The following MKLN1 variants were observed in gnomAD, a reference collection of about 807,000 sequenced individuals.
MKLN1 encodes the protein muskelin 1, also known as muskelin.
Under a neutral mutation model 99.0 loss-of-function variants are expected in MKLN1, and 18 were observed. The ratio of observed to expected loss-of-function variants is 0.18; its 90% CI spans 0.13 to 0.27. The LOEUF (loss-of-function observed/expected upper bound fraction) is 0.27. MKLN1 is among the 10% of genes least tolerant of loss of function. The probability of loss-of-function intolerance (pLI) is 1.00; values close to 1 mark genes in which losing one functional copy is unlikely to be tolerated. For synonymous variants in MKLN1, 288 were observed against 293.2 expected, an observed-to-expected ratio of 0.98 and a Z score of 0.18; for missense variants, 621 against 875.9, an observed-to-expected ratio of 0.71 and a Z score of 3.67.
chr7:131,152,422 G>C (rs1795900562), intron 2 of MKLN1, among the ~76,000 whole-genome samples: 1 of 151,828 alleles, frequency 6.6e-6, no homozygotes, highest in Non-Finnish European at 1.5e-5. Context: ...TTAGTAGTAT[G>C]AAATATTCAG....
At chr7:131,136,152 T>C (rs1279730114) in intron 1 of MKLN1, among the ~76,000 whole-genome samples, 2 of 152,132 alleles carry the variant, frequency 1.3e-5, no homozygotes, top group East Asian at 1.9e-4. Context: ...CTGCAGGGAC[T>C]TGGGTGTAGG....
At chr7:131,179,971 C>G (rs1052099258) in intron 2 of MKLN1, among the ~76,000 whole-genome samples, 2 of 152,168 alleles carry the variant, frequency 1.3e-5, no homozygotes, top group Non-Finnish European at 2.9e-5. Flanking sequence ...TAGCTCACAG[C>G]AGTTTGAACT....
At chr7:131,328,215 A>G in intron 1 of MKLN1, 2 of 577,986 alleles carry the variant, frequency 3.5e-6, no homozygotes, top group Non-Finnish European at 6.0e-6. Flanking sequence ...AGAAGGGGCG[A>G]GGTGTGTGGC....
intron 3 of MKLN1, among the ~76,000 whole-genome samples, chr7:131,244,461 C>T (rs1797454916): frequency 6.6e-6 from 1 of 152,142 alleles, no homozygotes; most frequent in African/African-American, 2.4e-5. Flanking sequence ...TCTTGTTCGT[C>T]TGAGTCAGCC....
chr7:131,194,345 T>C (rs1323800012), intron 2 of MKLN1, among the ~76,000 whole-genome samples: 1 of 152,206 alleles, frequency 6.6e-6, no homozygotes, highest in Non-Finnish European at 1.5e-5. Context: ...TGTATTTACC[T>C]GTTCAGGGTA....
chr7:131,161,793 C>A (rs1401150516), intron 2 of MKLN1, among the ~76,000 whole-genome samples: 9 of 151,926 alleles, frequency 5.9e-5, no homozygotes, highest in Non-Finnish European at 1.0e-4. Context: ...CCCGCCTCGG[C>A]CTCCCAAAGT....
Position 131,224,051 on chromosome 7 carries a change from G to A in MKLN1, c.-179+21077G>A, listed in dbSNP as rs1309339744. ...AGTGCTGGGATTACAGGTGTGAGCCGCTGAACCCACCTGCATTTGCATCTT... is the reference window on the plus strand; with the variant it reads ...AGTGCTGGGATTACAGGTGTGAGCCACTGAACCCACCTGCATTTGCATCTT... On this transcript the variant is annotated intron_variant, in intron 3 of 7. Coordinates refer to the MKLN1 transcript ENST00000416992. 5.3e-5 allele frequency among the ~76,000 whole-genome samples: 8 copies of A among 151,854 alleles called. No homozygotes were observed. The South Asian group carries it at 6.2e-4, about 12-fold the overall frequency.
At chr7:131,401,408 T>G (rs1794538802) in intron 6 of MKLN1, among the ~76,000 whole-genome samples, 1 of 152,194 alleles carries the variant, frequency 6.6e-6, no homozygotes, top group Non-Finnish European at 1.5e-5. Context: ...AATGTTTTAC[T>G]CAGACATGTA....
chr7:131,113,686 A>T (rs1462843377), intron 1 of MKLN1, among the ~76,000 whole-genome samples: 1 of 151,204 alleles, frequency 6.6e-6, no homozygotes, highest in Admixed American at 6.6e-5. Context: ...AAAAAAAAAA[A>T]ATTAGCCAGG....
intron 1 of MKLN1, among the ~76,000 whole-genome samples, chr7:131,354,698 T>C (rs1419636809): frequency 6.6e-6 from 1 of 152,192 alleles, no homozygotes; most frequent in Non-Finnish European, 1.5e-5. Context: ...GTAAAGGATT[T>C]AACTGTGTTT....
intron 1 of MKLN1, among the ~76,000 whole-genome samples, chr7:131,141,992 T>C (rs1795740196): frequency 6.6e-6 from 1 of 152,136 alleles, no homozygotes; most frequent in Admixed American, 6.6e-5. Flanking sequence ...AAATTAAATT[T>C]CCGGCTGGGT....
rs998235221 is a variant in MKLN1 at position 131,492,561 on chromosome 7, A to G, written c.*4833A>G. On this transcript the variant is annotated 3_prime_UTR_variant, in exon 18 of 18. Transcript: ENST00000352689. Reference sequence around the variant, plus strand: ...AGCCTGGGCAACACAGGAAGACTCCATCTCTACTTAAAATATTTTTGTTTT... The same window carrying G: ...AGCCTGGGCAACACAGGAAGACTCCGTCTCTACTTAAAATATTTTTGTTTT... The G allele has an allele frequency of 8.6e-5, 13 of 151,876 alleles. No homozygotes were observed. The highest frequency in any genetic ancestry group is 3.1e-4 in the African/African-American group (13 of 41,352). The allele number at this position is 151,876 out of a possible 1,614,324, so 9.4% of individuals were successfully genotyped here.
In MKLN1 at chr7:131,133,353, C is replaced by CTT. The variant is rs1198245681; in HGVS notation, c.-418-9449_-418-9448dup. The stretch of plus-strand genomic sequence containing the variant: ...TAATTTTTTTTTTCTTTCTTTCTTT[C>CTT]TTTTTTTTTTTTTTTTTTTGAGATG... On this transcript the variant is annotated intron_variant, in intron 1 of 7. Coordinates refer to the MKLN1 transcript ENST00000416992. 2.7e-3 allele frequency among the ~76,000 whole-genome samples: 250 copies of CTT among 93,606 alleles called. 4 individuals carry two copies. The highest frequency in any genetic ancestry group is 7.0e-3 in the African/African-American group (166 of 23,588). The allele number at this position is 93,606 out of a possible 152,430, so 61.4% of individuals were successfully genotyped here.
chr7:131,268,180 T>C (rs1357759044), intron 3 of MKLN1, among the ~76,000 whole-genome samples: 2 of 152,226 alleles, frequency 1.3e-5, no homozygotes, highest in Non-Finnish European at 2.9e-5. Flanking sequence ...AGGAGATACA[T>C]GGCTTCAGCT....
At chr7:131,275,556 TATATATA>T (rs1797953297) in intron 3 of MKLN1, among the ~76,000 whole-genome samples, 2 of 26,040 alleles carry the variant, frequency 7.7e-5, no homozygotes, top group Admixed American at 4.0e-4. Flanking sequence ...TATATATATA[TATATATA>T]TATATTTTTT....
intron 3 of MKLN1, among the ~76,000 whole-genome samples, chr7:131,209,605 G>T (rs536291924): frequency 6.6e-6 from 1 of 152,318 alleles, no homozygotes; most frequent in Non-Finnish European, 1.5e-5. Flanking sequence ...AGAAGACTCT[G>T]ATAAATCCCT....
At chr7:131,222,274 G>A (rs1190276315) in intron 3 of MKLN1, among the ~76,000 whole-genome samples, 1 of 152,182 alleles carries the variant, frequency 6.6e-6, no homozygotes, top group East Asian at 1.9e-4. Flanking sequence ...TTATGGATGA[G>A]GAAAAGGAAA....
At chr7:131,369,677 T>C (rs540213203) in intron 1 of MKLN1, among the ~76,000 whole-genome samples, 2 of 152,350 alleles carry the variant, frequency 1.3e-5, no homozygotes, top group South Asian at 4.1e-4. Flanking sequence ...TTCATGGCAC[T>C]TTTTATAACA....
chr7:131,299,178 G>T (rs1201153436), intron 3 of MKLN1, among the ~76,000 whole-genome samples: 1 of 152,184 alleles, frequency 6.6e-6, no homozygotes, highest in Admixed American at 6.5e-5. Context: ...GAAGACACTT[G>T]AACAATTATT....
Sources: allele counts gnomAD v4.1 joint callset (sites outside exome capture counted in the v4.1 genomes callset), GRCh38; gene constraint gnomAD v4.1.1; transcripts MANE v1.5; gene names NCBI Gene and HGNC (gene_info 2026-07-23, HGNC 2026-07-21).